The following CDH13 variants were observed in gnomAD, a reference collection of about 807,000 sequenced individuals.
CDH13 encodes the protein cadherin 13, also known as cadherin-13.
CDH13 carries 24 observed loss-of-function variants against 63.8 expected under a neutral mutation model. That is an observed-to-expected ratio of 0.38 (90% CI 0.27 to 0.53). CDH13 has a LOEUF of 0.53. CDH13 is among the 20% of genes least tolerant of loss of function. The pLI is 0.85. For missense variants in CDH13, 1,049 were observed against 903.1 expected, an observed-to-expected ratio of 1.16 and a Z score of -2.07; for synonymous variants, 503 against 355.3, an observed-to-expected ratio of 1.42 and a Z score of -4.67.
Position 83,245,879 on chromosome 16 carries a change from A to C in CDH13, c.636+28382A>C, listed in dbSNP as rs75609116. Among the ~76,000 whole-genome samples the C allele has an allele frequency of 4.9e-3, 752 of 152,240 alleles. 2 individuals are homozygous for C. Among genetic ancestry groups the C allele is most frequent in the African/African-American group, 0.017 (712 of 41,552 alleles). On this transcript the variant is annotated intron_variant, in intron 5 of 13. Transcript: ENST00000567109. ...CACCTCAGTCTTCTGAGTAGCCCGG[A>C]CTACAGGCACGCACCACCATACCCA...
chr16:82,683,668 G>A (rs1404328918), intron 1 of CDH13, among the ~76,000 whole-genome samples: 1 of 152,192 alleles, frequency 6.6e-6, no homozygotes, highest in Non-Finnish European at 1.5e-5. Context: ...AGTTGATAGA[G>A]ATAATTAATT....
intron 6 of CDH13, among the ~76,000 whole-genome samples, chr16:83,454,716 T>C (rs1258429752): frequency 2.7e-4 from 2 of 7,356 alleles, no homozygotes; most frequent in Admixed American, 1.8e-3. Context: ...TTCTATTGAT[T>C]TTTTTTTTTT....
intron 1 of CDH13, among the ~76,000 whole-genome samples, chr16:82,717,450 A>T (rs1017086231): frequency 1.4e-5 from 2 of 146,028 alleles, no homozygotes; most frequent in African/African-American, 5.1e-5. Context: ...AAAAAAAAAA[A>T]AAAAGAGCCC....
chr16:83,057,907 G>T (rs996267059), intron 3 of CDH13, among the ~76,000 whole-genome samples: 3 of 152,096 alleles, frequency 2.0e-5, no homozygotes, highest in African/African-American at 4.8e-5. Context: ...CAATGGTAAG[G>T]TTCCTCCCTA....
chr16:83,225,383 C>G (rs930872285), intron 5 of CDH13, among the ~76,000 whole-genome samples: 1 of 152,210 alleles, frequency 6.6e-6, no homozygotes, highest in Non-Finnish European at 1.5e-5. Context: ...AAACTGCTTT[C>G]TTTTTGTTTC....
intron 7 of CDH13, among the ~76,000 whole-genome samples, chr16:83,498,993 A>G (rs2074210876): frequency 1.3e-5 from 2 of 152,226 alleles, no homozygotes; most frequent in Non-Finnish European, 2.9e-5. Flanking sequence ...TATTTTGTCA[A>G]TAAGAATCAA....
intron 5 of CDH13, among the ~76,000 whole-genome samples, chr16:83,318,714 A>G (rs2090157667): frequency 6.6e-6 from 1 of 152,182 alleles, no homozygotes; most frequent in South Asian, 2.1e-4. Flanking sequence ...GGGTTCCAGT[A>G]TGTATTTCTG....
chr16:83,771,745 C>T (rs1240872998), intron 11 of CDH13, among the ~76,000 whole-genome samples: 2 of 152,128 alleles, frequency 1.3e-5, no homozygotes, highest in African/African-American at 4.8e-5. Context: ...GAAAATGGGT[C>T]GGAAGGAAAA....
chr16:83,205,116 G>C (rs576776132), intron 4 of CDH13, among the ~76,000 whole-genome samples: 2 of 152,162 alleles, frequency 1.3e-5, no homozygotes, highest in African/African-American at 4.8e-5. Flanking sequence ...AGAGATGGGA[G>C]GTACAGGAGA....
chr16:83,215,761 G>A (rs1042625184), intron 4 of CDH13, among the ~76,000 whole-genome samples: 20 of 152,166 alleles, frequency 1.3e-4, no homozygotes, highest in Non-Finnish European at 2.9e-4. Context: ...GTGCCTGTTC[G>A]TTTGTAATTT....
At chr16:82,687,732 G>C (rs1290814551) in intron 1 of CDH13, among the ~76,000 whole-genome samples, 3 of 152,132 alleles carry the variant, frequency 2.0e-5, no homozygotes, top group Non-Finnish European at 4.4e-5. Context: ...AGCCATATCA[G>C]TGGGATAGAT....
intron 6 of CDH13, among the ~76,000 whole-genome samples, chr16:83,374,398 T>C (rs557791479): frequency 7.2e-5 from 11 of 152,342 alleles, no homozygotes; most frequent in African/African-American, 2.4e-4. Context: ...AGTGTACTTA[T>C]CTTTTCATGC....
At chr16:83,635,333 T>A (rs35982739) in intron 8 of CDH13, among the ~76,000 whole-genome samples, 1 of 4,028 alleles carries the variant, frequency 2.5e-4, no homozygotes, top group African/African-American at 6.9e-4. Flanking sequence ...ATTTTCTTTC[T>A]TTTTTTTTTT....
intron 2 of CDH13, among the ~76,000 whole-genome samples, chr16:82,934,913 A>G (rs534808879): frequency 1.3e-5 from 2 of 152,172 alleles, no homozygotes; most frequent in African/African-American, 4.8e-5. Context: ...TCCAAACTTT[A>G]CCACATTTTC....
chr16:83,401,031 C>T (rs925115703), intron 6 of CDH13, among the ~76,000 whole-genome samples: 11 of 152,174 alleles, frequency 7.2e-5, no homozygotes, highest in Middle Eastern at 3.4e-3. Context: ...GGTGAAACCC[C>T]GTCTGTGCTT....
chr16:83,079,672 A>G (rs1371570995), intron 3 of CDH13, among the ~76,000 whole-genome samples: 2 of 152,238 alleles, frequency 1.3e-5, no homozygotes, highest in African/African-American at 4.8e-5. Flanking sequence ...AAATGTATAA[A>G]TAAAAGATTG....
At chr16:83,468,636 A>C (rs2151535427) in intron 6 of CDH13, among the ~76,000 whole-genome samples, 1 of 152,296 alleles carries the variant, frequency 6.6e-6, no homozygotes, top group Middle Eastern at 3.4e-3. Flanking sequence ...CCTAGATAAT[A>C]ACTCAAATCA....
At chr16:83,732,772 A>G (rs1911165681) in intron 10 of CDH13, among the ~76,000 whole-genome samples, 1 of 152,050 alleles carries the variant, frequency 6.6e-6, no homozygotes, top group Admixed American at 6.5e-5. Flanking sequence ...ACCAAACCCA[A>G]CTGCTTCCTG....
chr16:83,452,522 G>A (rs1158758081), intron 6 of CDH13, among the ~76,000 whole-genome samples: 3 of 152,066 alleles, frequency 2.0e-5, no homozygotes, highest in Non-Finnish European at 4.4e-5. Flanking sequence ...TCACTTTCTC[G>A]GTTCGTTTTG....
Sources: gnomAD v4.1 joint callset for allele counts (sites outside exome capture counted in the v4.1 genomes callset) on GRCh38, gnomAD v4.1.1 for gene constraint, MANE v1.5 for transcripts, NCBI Gene and HGNC (gene_info 2026-07-23, HGNC 2026-07-21) for gene names.